Variants in NR2F1-AS1 observed in about 807,000 individuals in gnomAD.
NR2F1-AS1 encodes the protein NR2F1 regulatory antisense RNA 1.
intron 4 of NR2F1-AS1, among the ~76,000 whole-genome samples, chr5:93,493,887 T>C (rs1750903780): frequency 6.6e-6 from 1 of 152,104 alleles, no homozygotes; most frequent in African/African-American, 2.4e-5. Flanking sequence ...GCTACAATTA[T>C]AGGACTATTA....
intron 4 of NR2F1-AS1, among the ~76,000 whole-genome samples, chr5:93,501,298 GT>G (rs532005550): frequency 4.3e-4 from 61 of 140,746 alleles, no homozygotes; most frequent in African/African-American, 5.9e-4. Flanking sequence ...AAAGTGAGTT[GT>G]TTTTTTTTTT....
chr5:93,538,959 C>T (rs1250726249), intron 4 of NR2F1-AS1, among the ~76,000 whole-genome samples: 1 of 152,072 alleles, frequency 6.6e-6, no homozygotes, highest in Non-Finnish European at 1.5e-5. Flanking sequence ...TACTGTATAT[C>T]CAAAGGAAAG....
intron 4 of NR2F1-AS1, among the ~76,000 whole-genome samples, chr5:93,538,836 A>G (rs892311560): frequency 2.0e-5 from 3 of 152,200 alleles, no homozygotes; most frequent in Non-Finnish European, 2.9e-5. Flanking sequence ...GAAATATACC[A>G]TAGGAACTGC....
intron 4 of NR2F1-AS1, among the ~76,000 whole-genome samples, chr5:93,546,285 T>A (rs1425370979): frequency 6.6e-6 from 1 of 152,152 alleles, no homozygotes; most frequent in African/African-American, 2.4e-5. Context: ...ATAGATTAAA[T>A]AAAGGGCATG....
intron 4 of NR2F1-AS1, among the ~76,000 whole-genome samples, chr5:93,432,044 C>G (rs576961909): frequency 6.7e-4 from 102 of 152,256 alleles, no homozygotes; most frequent in Non-Finnish European, 1.2e-3. Flanking sequence ...GCCTTGTATT[C>G]TGACTCCCTG....
chr5:93,484,547 C>T lies in NR2F1-AS1; in HGVS notation n.638+69214G>A, dbSNP rs182715804. Reference sequence around the variant, plus strand: ...ACTATGAAGAAACTGCATCAACTAACGAGCAAAATAACCACCTAGCATCAT... The same window carrying T: ...ACTATGAAGAAACTGCATCAACTAATGAGCAAAATAACCACCTAGCATCAT... On this transcript the variant is annotated intron_variant and non_coding_transcript_variant, in intron 4 of 5. Coordinates refer to ENST00000660523, the Ensembl canonical transcript of NR2F1-AS1. Among the ~76,000 whole-genome samples, 163 of 152,218 alleles carry T rather than the reference C, an allele frequency of 1.1e-3. 1 individual carries two copies. The highest frequency in any genetic ancestry group is 1.4e-3 in the Non-Finnish European group (95 of 68,014).
chr5:93,473,281 G>A (rs1010638246), intron 4 of NR2F1-AS1, among the ~76,000 whole-genome samples: 25 of 151,792 alleles, frequency 1.6e-4, no homozygotes, highest in Non-Finnish European at 3.5e-4. Flanking sequence ...GTTTCTTTCT[G>A]AGTAATAAAG....
chr5:93,532,319 T>C lies in NR2F1-AS1; in HGVS notation n.638+21442A>G, dbSNP rs570965818. ...AAAAAGTTCTAAATTTCTTAAAATA[T>C]ATATTATTTTGTTGCTTCTTTTGTA... On this transcript the variant is annotated intron_variant and non_coding_transcript_variant, in intron 4 of 5. Coordinates refer to ENST00000660523, the Ensembl canonical transcript of NR2F1-AS1. Among the ~76,000 whole-genome samples the C allele has an allele frequency of 5.9e-5, 9 of 151,864 alleles. No individual in the cohort carries two copies. In the South Asian group the frequency reaches 1.7e-3, roughly 28 times the overall value.
At chr5:93,576,403 T>C (rs1752895445) in intron 1 of NR2F1-AS1, among the ~76,000 whole-genome samples, 1 of 151,648 alleles carries the variant, frequency 6.6e-6, no homozygotes, top group Non-Finnish European at 1.5e-5. Context: ...TTCTATTGCT[T>C]ATATCAGTGG....
At chr5:93,424,306 T>C (rs1458755312) in intron 4 of NR2F1-AS1, among the ~76,000 whole-genome samples, 1 of 147,150 alleles carries the variant, frequency 6.8e-6, no homozygotes, top group East Asian at 2.0e-4. Flanking sequence ...CATTATATTA[T>C]ATTTTCTAAT....
At chr5:93,454,430 T>C (rs970122359) in intron 4 of NR2F1-AS1, among the ~76,000 whole-genome samples, 1 of 152,246 alleles carries the variant, frequency 6.6e-6, no homozygotes, top group Non-Finnish European at 1.5e-5. Flanking sequence ...ATTTAGTCTC[T>C]GCCCTCAGTT....
intron 4 of NR2F1-AS1, among the ~76,000 whole-genome samples, chr5:93,427,002 C>T (rs564269088): frequency 6.6e-6 from 1 of 152,232 alleles, no homozygotes; most frequent in East Asian, 1.9e-4. Flanking sequence ...TATGGAATCA[C>T]CATTTATAAG....
chr5:93,455,699 C>A (rs1042946155), intron 4 of NR2F1-AS1, among the ~76,000 whole-genome samples: 23 of 151,886 alleles, frequency 1.5e-4, no homozygotes, highest in African/African-American at 5.3e-4. Context: ...AAGAATATTA[C>A]TAGGGATCAT....
At chr5:93,483,566 C>A (rs1156472126) in intron 4 of NR2F1-AS1, among the ~76,000 whole-genome samples, 2 of 152,152 alleles carry the variant, frequency 1.3e-5, no homozygotes, top group South Asian at 4.1e-4. Flanking sequence ...CTACTCCTCA[C>A]CAGCAAGGGA....
intron 4 of NR2F1-AS1, among the ~76,000 whole-genome samples, chr5:93,481,890 T>A (rs1393871403): frequency 1.3e-5 from 2 of 152,018 alleles, no homozygotes; most frequent in African/African-American, 2.4e-5. Flanking sequence ...TACCAAAATG[T>A]ATAGGAGGCA....
chr5:93,426,466 G>A lies in NR2F1-AS1; in HGVS notation n.639-30924C>T, dbSNP rs150610492. Among the ~76,000 whole-genome samples, 317 of 152,268 alleles carry A rather than the reference G, an allele frequency of 2.1e-3. 2 individuals are homozygous for A. The highest frequency in any genetic ancestry group is 7.4e-3 in the African/African-American group (306 of 41,550). On this transcript the variant is annotated intron_variant and non_coding_transcript_variant, in intron 4 of 5. Coordinates refer to ENST00000660523, the Ensembl canonical transcript of NR2F1-AS1. ...CATAATTTATTCAAGGTCTGAACAT[G>A]TTTTGATGTAATACAAACAACATAG...
intron 4 of NR2F1-AS1, among the ~76,000 whole-genome samples, chr5:93,431,316 G>T (rs1317660301): frequency 1.3e-5 from 2 of 151,560 alleles, no homozygotes; most frequent in African/African-American, 2.4e-5. Context: ...AGGTGTTGTG[G>T]GGGATGGGTC....
intron 1 of NR2F1-AS1, chr5:93,570,751 G>C (rs1752738852): frequency 6.6e-6 from 1 of 152,262 alleles, no homozygotes; most frequent in Non-Finnish European, 1.5e-5. Context: ...CGCAGATACC[G>C]CGGCCCGGGC....
At chr5:93,461,779 C>T (rs150032958) in intron 4 of NR2F1-AS1, among the ~76,000 whole-genome samples, 1 of 152,258 alleles carries the variant, frequency 6.6e-6, no homozygotes, top group Admixed American at 6.5e-5. Context: ...CTTTGAATAA[C>T]TACTACTTAA....
Sources: gnomAD v4.1 joint callset for allele counts (sites outside exome capture counted in the v4.1 genomes callset) on GRCh38, gnomAD v4.1.1 for gene constraint, MANE v1.5 for transcripts, NCBI Gene and HGNC (gene_info 2026-07-23, HGNC 2026-07-21) for gene names.